OR56A3: variants seen among roughly 807,000 people sequenced by gnomAD.
The protein encoded by OR56A3 is olfactory receptor 56A3.
In OR56A3, 23 loss-of-function variants were observed where a neutral mutation model predicts 17.5. That is an observed-to-expected ratio of 1.32 (90% CI 0.95 to 1.87). The LOEUF is 1.87. OR56A3 is among the 40% of genes most tolerant of loss of function. The pLI is 0.00. For missense variants in OR56A3, 366 were observed against 380.1 expected, an observed-to-expected ratio of 0.96 and a Z score of 0.31; for synonymous variants, 175 against 150.6, an observed-to-expected ratio of 1.16 and a Z score of -1.19.
chr11:5,999,712 A>G, the OR56A3 span: 1 of 152,252 alleles, frequency 6.6e-6, no homozygotes, highest in Non-Finnish European at 1.5e-5. Context: ...CACTTATAAA[A>G]TGTTCTACAG....
chr11:5,993,842 T>G, the OR56A3 span: 1 of 378,156 alleles, frequency 2.6e-6, no homozygotes, highest in Non-Finnish European at 4.9e-6. Flanking sequence ...ATTGGCCTCC[T>G]GCTCCCTAAA....
At chr11:6,003,330 A>G in the OR56A3 span, 1 of 480,426 alleles carries the variant, frequency 2.1e-6, no homozygotes, top group Non-Finnish European at 3.6e-6. Flanking sequence ...ACGCAGTTTA[A>G]AAACCAGCAA....
the OR56A3 span, among the ~76,000 whole-genome samples, chr11:5,996,982 C>A: frequency 6.6e-6 from 1 of 152,144 alleles, no homozygotes; most frequent in African/African-American, 2.4e-5. Flanking sequence ...ATCAAGGTAG[C>A]TGAGATTAAT....
the OR56A3 span, chr11:5,994,046 C>A: frequency 2.1e-6 from 1 of 474,538 alleles, no homozygotes; most frequent in South Asian, 1.5e-5. Flanking sequence ...GTGATCTCAG[C>A]CTCCAGCTTG....
At chr11:5,972,689 C>T in the OR56A3 span, among the ~76,000 whole-genome samples, 1 of 152,150 alleles carries the variant, frequency 6.6e-6, no homozygotes, top group South Asian at 2.1e-4. Flanking sequence ...AGTGCGGTGG[C>T]GCGATTTCGG....
the OR56A3 span, among the ~76,000 whole-genome samples, chr11:5,992,126 ATTCTCACGGAACAATC>A: frequency 6.6e-6 from 1 of 152,230 alleles, no homozygotes; most frequent in Non-Finnish European, 1.5e-5. Context: ...CAGACTTCTC[ATTCTCACGGAACAATC>A]TTGGACCCCA....
the OR56A3 span, among the ~76,000 whole-genome samples, chr11:5,974,175 C>T: frequency 4.7e-5 from 7 of 150,322 alleles, no homozygotes; most frequent in African/African-American, 1.5e-4. Context: ...GGCACGATCT[C>T]GGCTTATTAC....
chr11:5,970,606 G>T, the OR56A3 span, among the ~76,000 whole-genome samples: 3 of 151,560 alleles, frequency 2.0e-5, no homozygotes, highest in Non-Finnish European at 4.4e-5. Flanking sequence ...TTAATGCATA[G>T]ATTTTTTTTT....
chr11:6,004,206 G>T, the OR56A3 span, among the ~76,000 whole-genome samples: 1 of 152,118 alleles, frequency 6.6e-6, no homozygotes, highest in Non-Finnish European at 1.5e-5. Context: ...ACAAAAATTA[G>T]CTGGGTGTGG....
the OR56A3 span, among the ~76,000 whole-genome samples, chr11:6,018,686 TA>T: frequency 6.6e-6 from 1 of 151,278 alleles, no homozygotes; most frequent in African/African-American, 2.4e-5. Context: ...AAGAAAACAA[TA>T]AAAATCAGAA....
At chr11:5,962,828 G>A in the OR56A3 span, among the ~76,000 whole-genome samples, 6 of 151,912 alleles carry the variant, frequency 3.9e-5, no homozygotes, top group South Asian at 2.1e-4. Context: ...GTGAGCCACC[G>A]TCTGGGCTTT....
At chr11:5,964,937 C>T in the OR56A3 span, among the ~76,000 whole-genome samples, 2 of 152,110 alleles carry the variant, frequency 1.3e-5, no homozygotes, top group Non-Finnish European at 2.9e-5. Flanking sequence ...TCCTTCCTAC[C>T]TTCTTCAATG....
the OR56A3 span, among the ~76,000 whole-genome samples, chr11:6,011,830 C>T: frequency 6.6e-6 from 1 of 152,198 alleles, no homozygotes; most frequent in African/African-American, 2.4e-5. Context: ...TGCAGTCAGA[C>T]ATGCCAGCTG....
chr11:6,003,624 G>C, the OR56A3 span, among the ~76,000 whole-genome samples: 1 of 152,156 alleles, frequency 6.6e-6, no homozygotes, highest in Admixed American at 6.5e-5. Flanking sequence ...AAGGAAACTA[G>C]AGTACCTAGA....
At chr11:5,977,005 A>G in the OR56A3 span, among the ~76,000 whole-genome samples, 2 of 152,174 alleles carry the variant, frequency 1.3e-5, no homozygotes, top group Non-Finnish European at 2.9e-5. Context: ...CACTAAGGAC[A>G]ATGGTTTCCT....
At chr11:6,020,590 T>G in the OR56A3 span, 6 of 152,158 alleles carry the variant, frequency 3.9e-5, no homozygotes, top group Non-Finnish European at 7.4e-5. Flanking sequence ...GGGATTGCCT[T>G]TCTAATTTGA....
chr11:5,970,828 A>G, the OR56A3 span, among the ~76,000 whole-genome samples: 2 of 152,114 alleles, frequency 1.3e-5, no homozygotes, highest in African/African-American at 4.8e-5. Context: ...CATATAATGT[A>G]TTTTCTCTTT....
the OR56A3 span, chr11:5,985,969 A>G: frequency 6.2e-7 from 1 of 1,610,418 alleles, no homozygotes; most frequent in Non-Finnish European, 8.5e-7. Flanking sequence ...CACTCTGAGC[A>G]CTCGCTGGCG....
chr11:6,007,842 T>C, the OR56A3 span, among the ~76,000 whole-genome samples: 2 of 152,212 alleles, frequency 1.3e-5, no homozygotes, highest in African/African-American at 4.8e-5. Context: ...GCTTTTCCTG[T>C]GAACCTTTCT....
Sources: gnomAD v4.1 joint callset for allele counts (sites outside exome capture counted in the v4.1 genomes callset) on GRCh38, gnomAD v4.1.1 for gene constraint, MANE v1.5 for transcripts, NCBI Gene and HGNC (gene_info 2026-07-23, HGNC 2026-07-21) for gene names.